The following KDM4C variants were observed in gnomAD, a reference collection of about 807,000 sequenced individuals.
KDM4C encodes lysine demethylase 4C.
Under a neutral mutation model 129.3 loss-of-function variants are expected in KDM4C, and 81 were observed. The ratio of observed to expected loss-of-function variants is 0.63; its 90% CI spans 0.52 to 0.75. The LOEUF (loss-of-function observed/expected upper bound fraction) is 0.75. Ranked by LOEUF, KDM4C falls within the 30% of genes least tolerant of loss-of-function variation. The pLI, the probability that KDM4C is intolerant of heterozygous loss-of-function variation, is 0.00. For missense variants in KDM4C, 1,457 were observed against 1,304.0 expected, an observed-to-expected ratio of 1.12 and a Z score of -1.81; for synonymous variants, 573 against 456.1, an observed-to-expected ratio of 1.26 and a Z score of -3.26.
intron 18 of KDM4C, among the ~76,000 whole-genome samples, chr9:7,125,134 C>A (rs1219952727): frequency 3.9e-5 from 6 of 152,118 alleles, no homozygotes; most frequent in South Asian, 2.1e-4. Flanking sequence ...AGTGCCCTGA[C>A]CCCTGCTCCC....
chr9:6,915,918 T>C (rs1820229715), intron 8 of KDM4C, among the ~76,000 whole-genome samples: 1 of 152,228 alleles, frequency 6.6e-6, no homozygotes, highest in Non-Finnish European at 1.5e-5. Flanking sequence ...CTTGAATTAA[T>C]GACAGGCTGG....
Position 6,893,134 on chromosome 9 carries a change from T to C in KDM4C, c.823T>C (p.Tyr275His). The change falls in exon 8 of 22, where the codon TAT (tyrosine) becomes CAT (histidine). Residue 275 changes from tyrosine (Y) to histidine (H), a missense_variant. By Grantham distance (83) the Tyr-to-His change is moderately conservative. Coordinates refer to ENST00000381309, the MANE Select transcript of KDM4C (RefSeq NM_015061.6). ...EAGEFMITFP[Y>H]GYHAGFNHGF... ...TGGAGAATTCATGATCACTTTCCCA[T>C]ATGGCTACCATGCTGGTTTTAATCA... is the stretch of plus-strand genomic sequence containing the variant. 1 of 1,600,374 alleles carries C rather than the reference T, an allele frequency of 6.2e-7. No individual in the cohort carries two copies. Among genetic ancestry groups the C allele is most frequent in the Non-Finnish European group, 8.5e-7 (1 of 1,172,910 alleles).
At chr9:6,972,189 A>G (rs1832099666) in intron 8 of KDM4C, among the ~76,000 whole-genome samples, 1 of 151,716 alleles carries the variant, frequency 6.6e-6, no homozygotes, top group Non-Finnish European at 1.5e-5. Flanking sequence ...TTGATCTCTT[A>G]CTCACTCCAT....
chr9:6,760,837 G>T (rs1819329347), intron 1 of KDM4C, among the ~76,000 whole-genome samples: 3 of 151,902 alleles, frequency 2.0e-5, no homozygotes, highest in Non-Finnish European at 4.4e-5. Flanking sequence ...CTCCCAAAGT[G>T]CTGGGATTAC....
In KDM4C at chr9:6,758,266, C is replaced by T; in HGVS notation, c.-18+63C>T. The T allele has an allele frequency of 1.1e-6, 1 of 930,384 alleles. No individual in the cohort carries two copies. Among genetic ancestry groups the T allele is most frequent in the Non-Finnish European group, 1.3e-6 (1 of 779,792 alleles). 57.6% of individuals were successfully genotyped at this position (930,384 alleles called of 1,614,324 possible). ...GGAGGGTCCGGAGAGGTCTTCCCGG[C>T]ACTGCCCCCCTCCGCGTGGGGCACG... On this transcript the variant is annotated intron_variant, in intron 1 of 21. Coordinates refer to ENST00000381309, the MANE Select transcript of KDM4C (RefSeq NM_015061.6). This position sits in a 1 kb window ranked among gnomAD's most constrained non-coding sequence, Gnocchi z 4.6.
intron 12 of KDM4C, among the ~76,000 whole-genome samples, chr9:7,003,713 G>A (rs1821146114): frequency 6.6e-6 from 1 of 152,100 alleles, no homozygotes; most frequent in Non-Finnish European, 1.5e-5. Flanking sequence ...TCACTTCTTA[G>A]TAAAATCATA....
At chr9:6,966,751 C>G (rs1466256688) in intron 8 of KDM4C, among the ~76,000 whole-genome samples, 2 of 152,074 alleles carry the variant, frequency 1.3e-5, no homozygotes, top group Non-Finnish European at 2.9e-5. Context: ...TTATTTAGGA[C>G]AAAATAAACC....
At chr9:6,741,042 C>G (rs1428564338) in intron 1 of KDM4C, among the ~76,000 whole-genome samples, 1 of 151,728 alleles carries the variant, frequency 6.6e-6, no homozygotes, top group African/African-American at 2.4e-5. Flanking sequence ...CCAGGCTGGT[C>G]TCAAACTCCT....
At position 6,990,537 on chromosome 9, in the gene KDM4C, C is replaced by CA; in HGVS notation, c.1786+13_1786+14insA. On this transcript the variant is annotated intron_variant, in intron 12 of 21. Transcript: ENST00000381309. ...CCAAGTGATGAAGGTGAGATGGTGA[C>CA]CCTTTTTGGGATTTTTTTTTTTTTT... The CA allele has an allele frequency of 6.7e-7, 1 of 1,486,076 alleles. No homozygotes were observed. Among genetic ancestry groups the CA allele is most frequent in the Non-Finnish European group, 9.0e-7 (1 of 1,113,054 alleles). 92.1% of individuals were successfully genotyped at this position (1,486,076 alleles called of 1,614,324 possible).
intron 11 of KDM4C, among the ~76,000 whole-genome samples, chr9:6,987,409 C>T (rs187365181): frequency 7.2e-5 from 11 of 152,270 alleles, no homozygotes; most frequent in Non-Finnish European, 1.3e-4. Flanking sequence ...AGAAACTGTC[C>T]ATGTAGCCAT....
chr9:7,127,248 A>G (rs1284798200), intron 18 of KDM4C, among the ~76,000 whole-genome samples: 1 of 152,246 alleles, frequency 6.6e-6, no homozygotes, highest in East Asian at 1.9e-4. Context: ...GGACATTTAC[A>G]TACTGATGAA....
At chr9:6,820,565 G>A (rs894928361) in intron 4 of KDM4C, among the ~76,000 whole-genome samples, 2 of 152,036 alleles carry the variant, frequency 1.3e-5, no homozygotes, top group African/African-American at 4.8e-5. Context: ...CAGAGAAGGT[G>A]CCATGGTAGT....
chr9:6,742,177 T>C (rs761763929), intron 1 of KDM4C, among the ~76,000 whole-genome samples: 4 of 149,384 alleles, frequency 2.7e-5, no homozygotes, highest in Non-Finnish European at 5.9e-5. Context: ...TTCACCATGT[T>C]AGTCAGGCTG....
Position 6,846,302 on chromosome 9 carries a change from G to A in KDM4C, c.436-3205G>A, listed in dbSNP as rs1837844700. ...TGTTAATTTTTTCATTTGTTCATTT[G>A]GGAATAACATTACCTATTTTATAGG... On this transcript the variant is annotated intron_variant, in intron 4 of 21. Coordinates refer to ENST00000381309, the MANE Select transcript of KDM4C (RefSeq NM_015061.6). Among the ~76,000 whole-genome samples, 3 of 152,116 alleles carry A rather than the reference G, an allele frequency of 2.0e-5. No homozygotes were observed. The South Asian group carries it at 6.2e-4, about 32-fold the overall frequency.
chr9:6,769,810 A>C (rs1318653165), intron 1 of KDM4C, among the ~76,000 whole-genome samples: 1 of 152,230 alleles, frequency 6.6e-6, no homozygotes, highest in South Asian at 2.1e-4. Flanking sequence ...AAGAAAAATT[A>C]TGAATTAGAC....
At chr9:6,955,789 A>C (rs939649895) in intron 8 of KDM4C, among the ~76,000 whole-genome samples, 4 of 152,192 alleles carry the variant, frequency 2.6e-5, no homozygotes, top group African/African-American at 7.2e-5. Context: ...AGTGTCTCAG[A>C]ATTTGATGTA....
intron 3 of KDM4C, among the ~76,000 whole-genome samples, chr9:6,811,404 G>C (rs1025835136): frequency 6.6e-6 from 1 of 152,006 alleles, no homozygotes; most frequent in Non-Finnish European, 1.5e-5. Context: ...CGCCCACCTC[G>C]GCTTCCCAAA....
intron 1 of KDM4C, among the ~76,000 whole-genome samples, chr9:6,773,975 C>T (rs1424626665): frequency 2.6e-5 from 4 of 151,920 alleles, no homozygotes; most frequent in African/African-American, 9.7e-5. Flanking sequence ...GCAAACTCCG[C>T]CTCCCGAGTT....
chr9:6,990,586 GT>G (rs1818563882), intron 12 of KDM4C, 62 bp downstream of exon 12: 1 of 1,115,122 alleles, frequency 9.0e-7, no homozygotes, highest in African/African-American at 1.7e-5. Flanking sequence ...ACAAACTATT[GT>G]AAAAAAAATT....
Sources: gnomAD v4.1 joint callset for allele counts (sites outside exome capture counted in the v4.1 genomes callset) on GRCh38, gnomAD v4.1.1 for gene constraint, Gnocchi (gnomAD v3.1) non-coding constraint, MANE v1.5 for transcripts, NCBI Gene and HGNC (gene_info 2026-07-23, HGNC 2026-07-21) for gene names.